PTGER3: variants seen among roughly 807,000 people sequenced by gnomAD.
PTGER3 encodes the protein prostaglandin E2 receptor EP3 subtype.
Under a neutral mutation model 34.7 loss-of-function variants are expected in PTGER3, and 22 were observed. The observed-to-expected ratio is 0.63, with a 90% CI of 0.45 to 0.91. The LOEUF is 0.91. Among genes scored for constraint, PTGER3 ranks in the 40% least tolerant of loss-of-function variants. The probability of loss-of-function intolerance (pLI) is 0.00; values close to 1 mark genes in which losing one functional copy is unlikely to be tolerated. For missense variants in PTGER3, 468 were observed against 519.4 expected, an observed-to-expected ratio of 0.90 and a Z score of 0.96; for synonymous variants, 241 against 230.1, an observed-to-expected ratio of 1.05 and a Z score of -0.43.
chr1:71,040,043 A>AAG (rs954655324), intron 1 of PTGER3, among the ~76,000 whole-genome samples: 1 of 151,516 alleles, frequency 6.6e-6, no homozygotes, highest in African/African-American at 2.4e-5. Flanking sequence ...TTCAGAAAGA[A>AAG]AGAGAGAGAG....
intron 4 of PTGER3, among the ~76,000 whole-genome samples, chr1:70,909,893 T>C: frequency 6.6e-6 from 1 of 152,246 alleles, no homozygotes; most frequent in East Asian, 1.9e-4. Context: ...CAGAAAGAAC[T>C]GATTTGAAAT....
At chr1:71,032,793 C>T (rs1347683170) in intron 1 of PTGER3, among the ~76,000 whole-genome samples, 1 of 152,194 alleles carries the variant, frequency 6.6e-6, no homozygotes, top group Non-Finnish European at 1.5e-5. Flanking sequence ...TGCAGCCAAA[C>T]AATCCTGATT....
chr1:70,951,524 A>C (rs1006155240), downstream of PTGER3: 2 of 152,216 alleles, frequency 1.3e-5, no homozygotes, highest in African/African-American at 4.8e-5. Flanking sequence ...TATGATGGGG[A>C]AACATGCTAG....
chr1:70,917,681 A>G (rs765815235), intron 4 of PTGER3, among the ~76,000 whole-genome samples: 2 of 151,892 alleles, frequency 1.3e-5, no homozygotes, highest in African/African-American at 2.4e-5. Flanking sequence ...CCAACCACGT[A>G]TAAGAGTTCT....
intron 1 of PTGER3, among the ~76,000 whole-genome samples, chr1:71,034,069 T>A (rs911048031): frequency 5.9e-5 from 9 of 152,314 alleles, no homozygotes; most frequent in Middle Eastern, 3.4e-3. Context: ...TGTATCTGGA[T>A]TCTTTATCTG....
chr1:70,933,804 A>T (rs1648953049), intron 4 of PTGER3, among the ~76,000 whole-genome samples: 1 of 152,130 alleles, frequency 6.6e-6, no homozygotes, highest in Non-Finnish European at 1.5e-5. Flanking sequence ...ATGACTTTGG[A>T]AGGGGTAATG....
chr1:70,974,212 G>A (rs913188602), intron 3 of PTGER3, 85 bp downstream of exon 3: 1 of 1,529,180 alleles, frequency 6.5e-7, no homozygotes, highest in African/African-American at 1.4e-5. Context: ...CTCAGAGATG[G>A]TCTGCCTTTG....
downstream of PTGER3, chr1:70,951,338 T>G (rs1044013821): frequency 1.3e-5 from 2 of 152,236 alleles, no homozygotes; most frequent in African/African-American, 4.8e-5. Context: ...AACACTTGTT[T>G]GCTGATTACA....
At chr1:70,944,408 C>T (rs1015703548) in intron 4 of PTGER3, among the ~76,000 whole-genome samples, 7 of 152,054 alleles carry the variant, frequency 4.6e-5, no homozygotes, top group Admixed American at 1.3e-4. Context: ...AAAAGAGTAC[C>T]TTTGAGAATG....
chr1:71,000,864 T>C (rs1656408124), intron 2 of PTGER3, among the ~76,000 whole-genome samples: 1 of 152,156 alleles, frequency 6.6e-6, no homozygotes, highest in African/African-American at 2.4e-5. Context: ...ATCATGAAAA[T>C]GCAAACATTG....
chr1:70,999,469 G>T (rs1431859358), intron 2 of PTGER3, among the ~76,000 whole-genome samples: 6 of 152,142 alleles, frequency 3.9e-5, no homozygotes, highest in Non-Finnish European at 7.4e-5. Flanking sequence ...CAGGGGGCAA[G>T]AATTTTTCTT....
chr1:70,915,489 G>C (rs555569167), intron 4 of PTGER3, among the ~76,000 whole-genome samples: 18 of 152,018 alleles, frequency 1.2e-4, no homozygotes, highest in African/African-American at 4.3e-4. Flanking sequence ...ACTGGTTAAG[G>C]TCACTGAATT....
rs575486251 is a variant in PTGER3 at position 71,007,056 on chromosome 1, G to A, written c.1077+5249C>T. On this transcript the variant is annotated intron_variant, in intron 2 of 3. Transcript: ENST00000306666. ...AGAAGATATATTTAAATACACTGAC[G>A]ATAACTACCCATAAAACTTTACATA... is the stretch of plus-strand genomic sequence containing the variant. 166 of 984,854 alleles carry A rather than the reference G, an allele frequency of 1.7e-4. 1 individual carries two copies. The highest frequency in any genetic ancestry group is 6.8e-4 in the Admixed American group (11 of 16,236). 61.0% of individuals were successfully genotyped at this position (984,854 alleles called of 1,614,324 possible). A position where few individuals can be genotyped will look rare whatever the true frequency, so the allele number is the denominator to read the frequency against.
At chr1:70,980,202 T>C (rs1008706293) in intron 2 of PTGER3, among the ~76,000 whole-genome samples, 1 of 151,978 alleles carries the variant, frequency 6.6e-6, no homozygotes, top group Non-Finnish European at 1.5e-5. Flanking sequence ...TGGACTAAGA[T>C]TGGATAGGGG....
chr1:70,931,603 A>G (rs991168411), intron 4 of PTGER3, among the ~76,000 whole-genome samples: 17 of 152,194 alleles, frequency 1.1e-4, no homozygotes, highest in African/African-American at 4.1e-4. Context: ...CTGCAGGCTC[A>G]GCACCACGTG....
chr1:71,011,167 T>C (rs1346596823), intron 2 of PTGER3: 1 of 985,478 alleles, frequency 1.0e-6, no homozygotes, highest in African/African-American at 1.7e-5. Flanking sequence ...GCTATTGAGG[T>C]TTGTATTCAT....
rs187599496 is a variant in PTGER3, at chr1:71,038,820, C to T, written c.897+7861G>A. ...AGGCTTGTGTAAATTCAATTCTGGG[C>T]TGTCAGTCAGCAGCACAGGTTCTGT... On this transcript the variant is annotated intron_variant, in intron 1 of 3. Transcript: ENST00000306666. 1.7e-3 allele frequency among the ~76,000 whole-genome samples: 255 copies of T among 152,326 alleles called. 2 individuals are homozygous for T. The highest frequency in any genetic ancestry group is 2.7e-3 in the Non-Finnish European group (185 of 68,028).
At chr1:70,984,894 A>G (rs933434416) in intron 2 of PTGER3, among the ~76,000 whole-genome samples, 2 of 152,238 alleles carry the variant, frequency 1.3e-5, no homozygotes, top group Admixed American at 1.3e-4. Flanking sequence ...TAGTGAAACA[A>G]CAAAAATGTA....
intron 4 of PTGER3, among the ~76,000 whole-genome samples, chr1:70,883,790 C>G (rs79889429): frequency 6.6e-6 from 1 of 152,132 alleles, no homozygotes; most frequent in Non-Finnish European, 1.5e-5. Flanking sequence ...TGGCCAGGCA[C>G]GTTGGCTCAT....
Sources: allele counts gnomAD v4.1 joint callset (sites outside exome capture counted in the v4.1 genomes callset), GRCh38; gene constraint gnomAD v4.1.1; transcripts MANE v1.5; gene names NCBI Gene and HGNC (gene_info 2026-07-23, HGNC 2026-07-21).